Variants in ZNF793 observed in about 807,000 individuals in gnomAD.
ZNF793 encodes the protein zinc finger protein 793.
In ZNF793, 5 loss-of-function variants were observed where a neutral mutation model predicts 12.4. That is an observed-to-expected ratio of 0.40 (90% CI 0.21 to 0.84). The LOEUF is 0.84. ZNF793 is among the 40% of genes least tolerant of loss of function. The pLI is 0.35. For synonymous variants in ZNF793, 162 were observed against 172.4 expected (o/e 0.94, Z 0.47); for missense variants, 456 against 495.0 (o/e 0.92, Z 0.75).
At chr19:37,532,914 G>A (rs1014326410) in intron 6 of ZNF793, among the ~76,000 whole-genome samples, 2 of 152,138 alleles carry the variant, frequency 1.3e-5, no homozygotes, top group African/African-American at 4.8e-5. Flanking sequence ...GCCAGAAATT[G>A]TTTTAGCCAC....
rs1425693557 is a variant in ZNF793 at position 37,520,211 on chromosome 19, G to T, written c.-248G>T. The T allele has an allele frequency of 6.6e-6, 1 of 152,400 alleles. No homozygotes were observed. 9.4% of individuals were successfully genotyped at this position (152,400 alleles called of 1,614,324 possible). A position where few individuals can be genotyped will look rare whatever the true frequency, so the allele number is the denominator to read the frequency against. On this transcript the variant is annotated 5_prime_UTR_variant, in exon 3 of 8. Coordinates refer to ENST00000627814, the MANE Select transcript of ZNF793 (RefSeq NM_001013659.3). Reference sequence around the variant, plus strand: ...TCTCTGGGTGCCCTGCAGACCTTTGGATCCTGCCACCTTGCTGGACGGGAG... The same window carrying T: ...TCTCTGGGTGCCCTGCAGACCTTTGTATCCTGCCACCTTGCTGGACGGGAG...
In ZNF793 at chr19:37,539,278, T is replaced by A; in HGVS notation, c.*1399T>A. The A allele has an allele frequency of 6.6e-6, 1 of 152,210 alleles. No individual in the cohort carries two copies. The highest frequency in any genetic ancestry group is 1.5e-5 in the Non-Finnish European group (1 of 68,038). 9.4% of individuals were successfully genotyped at this position (152,210 alleles called of 1,614,324 possible). A position where few individuals can be genotyped will look rare whatever the true frequency, so the allele number is the denominator to read the frequency against. On this transcript the variant is annotated 3_prime_UTR_variant, in exon 8 of 8. Transcript: ENST00000627814. Reference sequence around the variant, plus strand: ...TATTTTCTTAGTCTTGCTTAAAATATCTTGTAGCAAATTAGTAGCATTGCT... The same window carrying A: ...TATTTTCTTAGTCTTGCTTAAAATAACTTGTAGCAAATTAGTAGCATTGCT...
rs1476970898 is a variant in ZNF793 at position 37,537,437 on chromosome 19, G to A, written c.779G>A (p.Cys260Tyr). The change falls in exon 8 of 8, where the codon TGT becomes TAT. Residue 260 changes from cysteine (C) to tyrosine (Y), a missense_variant. Physicochemically the swap from Cys to Tyr is radical, Grantham distance 194. Transcript: ENST00000627814. Reference protein sequence around the residue: ...TGEKPYGCTDCGKAFSHKSTL... With the variant: ...TGEKPYGCTDYGKAFSHKSTL... ...GAGAAGCCTTATGGCTGCACTGACT[G>A]TGGGAAAGCCTTTTCACATAAGTCA... 6 of 1,613,476 alleles carry A rather than the reference G, an allele frequency of 3.7e-6. No homozygotes were observed. The highest frequency in any genetic ancestry group is 5.1e-6 in the Non-Finnish European group (6 of 1,179,682).
chr19:37,537,732 G>A lies in ZNF793; in HGVS notation c.1074G>A (p.Trp358Ter). ...AGAAGTCATGCCTCAATAAACATTG[G>A]AGAACTCACACAGGAGAGAAGCCCT... ...FSQKSCLNKH[W>*]RTHTGEKPYG... Residue 358 changes from tryptophan (W) to a stop codon, truncating the protein, a stop_gained, in exon 8 of 8, where the codon TGG becomes TGA. Coordinates refer to ENST00000627814, the MANE Select transcript of ZNF793 (RefSeq NM_001013659.3). LOFTEE classifies it low-confidence loss of function (END_TRUNC). 1 of 1,614,052 alleles carries A rather than the reference G, an allele frequency of 6.2e-7. No homozygotes were observed. Among genetic ancestry groups the A allele is most frequent in the Non-Finnish European group, 8.5e-7 (1 of 1,179,974 alleles).
chr19:37,533,293 A>G lies in ZNF793; in HGVS notation c.143-15A>G, dbSNP rs772781541. On this transcript the variant is annotated splice_polypyrimidine_tract_variant and intron_variant, in intron 6 of 7. Coordinates refer to ENST00000627814, the MANE Select transcript of ZNF793 (RefSeq NM_001013659.3). ...GGAGCTCAGCCCAAGACCTGCATCA[A>G]TTTCCCCGGAACAGGTTATGAAGGC... 9 of 1,613,578 alleles carry G rather than the reference A, an allele frequency of 5.6e-6. No homozygotes were observed. In the East Asian group the frequency reaches 1.1e-4, roughly 20 times the overall value.
intron 5 of ZNF793, among the ~76,000 whole-genome samples, chr19:37,525,878 G>C (rs1038915271): frequency 1.3e-5 from 2 of 152,204 alleles, no homozygotes; most frequent in Non-Finnish European, 2.9e-5. Flanking sequence ...GTGTGTTCTA[G>C]TTTGGTAGCA....
chr19:37,532,478 A>G lies in ZNF793; in HGVS notation c.138A>G (p.Ser46=), dbSNP rs761368653. Residue 46 remains serine, a synonymous_variant, in exon 6 of 8, where the codon TCA becomes TCG. Transcript: ENST00000627814. ...TGGAAACCTATAGCAACCTCGTCTC[A>G]GTGGGTAAGAACATCCTCACCATAC... ...VMLETYSNLV[S]VGYEGTKPDV... is the part of the protein sequence containing the mutation. 1.9e-6 allele frequency: 3 copies of G among 1,603,728 alleles called. No individual in the cohort carries two copies. In the East Asian group the frequency reaches 6.7e-5, roughly 36 times the overall value.
chr19:37,519,667 G>A (rs946181888), intron 2 of ZNF793, among the ~76,000 whole-genome samples: 4 of 152,138 alleles, frequency 2.6e-5, no homozygotes, highest in African/African-American at 9.7e-5. Context: ...AAAGTTAAGA[G>A]CATAAACAGA....
chr19:37,530,826 G>C (rs2042454041), intron 5 of ZNF793, among the ~76,000 whole-genome samples: 1 of 152,008 alleles, frequency 6.6e-6, no homozygotes, highest in African/African-American at 2.4e-5. Flanking sequence ...GGTATGGTTG[G>C]ATTTGTATCT....
chr19:37,532,506 T>C (rs763388436), intron 6 of ZNF793, 24 bp downstream of exon 6: 4 of 1,557,726 alleles, frequency 2.6e-6, no homozygotes, highest in Admixed American at 2.0e-5. Context: ...CACCATACAA[T>C]GCAGATTATG....
rs867145239 is a variant in ZNF793, at chr19:37,537,646, C to A, written c.988C>A (p.Arg330=). The A allele has an allele frequency of 6.2e-7, 1 of 1,613,644 alleles. No homozygotes were observed. Among genetic ancestry groups the A allele is most frequent in the Non-Finnish European group, 8.5e-7 (1 of 1,179,786 alleles). Residue 330 remains arginine (R), a synonymous_variant, in exon 8 of 8, where the codon CGA becomes AGA. Coordinates refer to ENST00000627814, the MANE Select transcript of ZNF793 (RefSeq NM_001013659.3). The part of the protein sequence containing the change: ...FGEKSYLNVH[R]KMHTGERPYR... Reference sequence around the variant, plus strand: ...TGAGAAGTCATACCTCAATGTACATCGAAAAATGCACACAGGAGAAAGACC... The same window carrying A: ...TGAGAAGTCATACCTCAATGTACATAGAAAAATGCACACAGGAGAAAGACC...
In ZNF793 at chr19:37,537,225, T is replaced by C. The variant is rs759013279; in HGVS notation, c.567T>C (p.Gly189=). Residue 189 remains glycine, a synonymous_variant, in exon 8 of 8, where the codon GGT becomes GGC. Coordinates refer to ENST00000627814, the MANE Select transcript of ZNF793 (RefSeq NM_001013659.3). ...GRRPNGEKPR[G]CSHCEKAFTQ... ...GACCTAATGGAGAAAAGCCCCGGGG[T>C]TGCAGTCACTGTGAGAAAGCTTTCA... 16 of 1,613,564 alleles carry C rather than the reference T, an allele frequency of 9.9e-6. No individual in the cohort carries two copies. In the South Asian group the frequency reaches 1.6e-4, roughly 17 times the overall value.
chr19:37,536,478 G>A (rs1226786826), intron 7 of ZNF793: 25 of 405,108 alleles, frequency 6.2e-5, no homozygotes, highest in Non-Finnish European at 1.0e-4. Flanking sequence ...TCAGCAAACT[G>A]TGGCCTACCG....
chr19:37,533,617 T>C (rs150779111), intron 7 of ZNF793: 247 of 508,914 alleles, frequency 4.9e-4, no homozygotes, highest in African/African-American at 4.5e-3. Flanking sequence ...TTGGTCCATC[T>C]CTCTTTCTCC....
At chr19:37,508,574 C>T (rs1440778021) in intron 2 of ZNF793, among the ~76,000 whole-genome samples, 171 bp downstream of exon 2, 1 of 152,064 alleles carries the variant, frequency 6.6e-6, no homozygotes, top group African/African-American at 2.4e-5. Flanking sequence ...GGCGTGGTGG[C>T]GGGCGCCTGA....
At chr19:37,523,487 T>G in intron 5 of ZNF793, 33 bp downstream of exon 5, 1 of 1,607,612 alleles carries the variant, frequency 6.2e-7, no homozygotes, top group East Asian at 2.2e-5. Flanking sequence ...CAGTTTTCCT[T>G]CCTGGGGAAA....
At position 37,512,289 on chromosome 19, in the gene ZNF793, G is replaced by A. The variant is rs933566531; in HGVS notation, c.-276+3886G>A. 5.3e-5 allele frequency among the ~76,000 whole-genome samples: 8 copies of A among 152,136 alleles called. No homozygotes were observed. In the East Asian group the frequency reaches 1.5e-3, roughly 29 times the overall value. ...CCCAGCACTTTGGGAGGCCGAGGTG[G>A]GTGGATCACGAGGTCAAGAGATTGA... On this transcript the variant is annotated intron_variant, in intron 2 of 7. Transcript: ENST00000627814.
rs1376635364 is a variant in ZNF793, at chr19:37,538,780, G to A, written c.*901G>A. Reference sequence around the variant, plus strand: ...TGAAGAGACTTAAAGGCATACTCTGGTATATTCCACAGTGAGCCATACAAT... The same window carrying A: ...TGAAGAGACTTAAAGGCATACTCTGATATATTCCACAGTGAGCCATACAAT... On this transcript the variant is annotated 3_prime_UTR_variant, in exon 8 of 8. Coordinates refer to ENST00000627814, the MANE Select transcript of ZNF793 (RefSeq NM_001013659.3). 1 of 152,188 alleles carries A rather than the reference G, an allele frequency of 6.6e-6. No individual in the cohort carries two copies. The allele number at this position is 152,188 out of a possible 1,614,324, so 9.4% of individuals were successfully genotyped here. A position where few individuals can be genotyped will look rare whatever the true frequency, so the allele number is the denominator to read the frequency against.
At chr19:37,526,475 G>A (rs2042416808) in intron 5 of ZNF793, among the ~76,000 whole-genome samples, 1 of 152,144 alleles carries the variant, frequency 6.6e-6, no homozygotes, top group Non-Finnish European at 1.5e-5. Context: ...GGCTTCCTGG[G>A]TGCAGAATTG....
Sources: gnomAD v4.1 joint callset for allele counts (sites outside exome capture counted in the v4.1 genomes callset) on GRCh38, gnomAD v4.1.1 for gene constraint, MANE v1.5 for transcripts, NCBI Gene and HGNC (gene_info 2026-07-23, HGNC 2026-07-21) for gene names.